The following ADORA2A variants were observed in gnomAD, a reference collection of about 807,000 sequenced individuals.
ADORA2A encodes adenosine A2a receptor, also known as adenosine receptor A2a.
In ADORA2A, 11 loss-of-function variants were observed where a neutral mutation model predicts 18.4. The observed-to-expected ratio is 0.60, with a 90% CI of 0.38 to 0.99. ADORA2A has a LOEUF of 0.99. ADORA2A is among the 50% of genes least tolerant of loss of function. The pLI is 0.01. For missense variants in ADORA2A, 449 were observed against 556.1 expected (o/e 0.81, Z 1.94); for synonymous variants, 218 against 237.3 (o/e 0.92, Z 0.75).
At chr22:24,426,998 C>T (rs540865737), upstream of ADORA2A, among the ~76,000 whole-genome samples, 5 of 152,310 alleles carry the variant, frequency 3.3e-5, no homozygotes, top group East Asian at 7.7e-4. Context: ...GCCCACTCCT[C>T]GGATGTGCCG....
chr22:24,435,462 C>T (rs1273277720), intron 2 of ADORA2A, among the ~76,000 whole-genome samples: 1 of 152,216 alleles, frequency 6.6e-6, no homozygotes, highest in Non-Finnish European at 1.5e-5. Context: ...GGCTGCCGTT[C>T]TCAATTTAAA....
At chr22:24,428,207 C>A (rs777787080) in intron 1 of ADORA2A, among the ~76,000 whole-genome samples, 1 of 152,176 alleles carries the variant, frequency 6.6e-6, no homozygotes, top group African/African-American at 2.4e-5. Context: ...CATGCCCAGG[C>A]CCCCCTGGGC....
chr22:24,429,641 C>T (rs1035751976), intron 1 of ADORA2A: 5 of 152,238 alleles, frequency 3.3e-5, no homozygotes, highest in African/African-American at 7.2e-5. Context: ...TGCGCACGGC[C>T]GCAGCCCTAC....
At chr22:24,427,488 G>A (rs1267340194), upstream of ADORA2A, 1 of 152,362 alleles carries the variant, frequency 6.6e-6, no homozygotes, top group African/African-American at 2.4e-5. Context: ...CCCCTTCAGC[G>A]GCATAGTACC....
chr22:24,440,613 TA>T lies in ADORA2A; in HGVS notation c.365del (p.Lys122ArgfsTer16). On this transcript the variant is annotated frameshift_variant, in exon 3 of 3. Transcript: ENST00000337539. LOFTEE classifies it high-confidence loss of function. ...YNGLVTGTRA[K>X]GIIAICWVLS... ...ATGGCTTGGTGACCGGCACGAGGGCTAAGGGCATCATTGCCATCTGCTGGGT... is the reference window on the plus strand; with the variant it reads ...ATGGCTTGGTGACCGGCACGAGGGCTAGGGCATCATTGCCATCTGCTGGGT... The T allele has an allele frequency of 6.3e-7, 1 of 1,583,788 alleles. No homozygotes were observed. The highest frequency in any genetic ancestry group is 8.6e-7 in the Non-Finnish European group (1 of 1,162,182).
upstream of ADORA2A, chr22:24,424,445 C>G (rs1325843172): frequency 6.6e-6 from 1 of 152,196 alleles, no homozygotes; most frequent in South Asian, 2.1e-4. This position sits in a 1 kb window ranked among gnomAD's most constrained non-coding sequence, Gnocchi z 4.9. Context: ...GCTCCTCCAG[C>G]AGGGATGGAC....
chr22:24,425,339 C>CG (rs2042906112), upstream of ADORA2A, among the ~76,000 whole-genome samples: 1 of 35,390 alleles, frequency 2.8e-5, no homozygotes, highest in Non-Finnish European at 7.1e-5. Context: ...TGGGCAGCAC[C>CG]CCCCCCCCCC....
chr22:24,440,936 T>A lies in ADORA2A; in HGVS notation c.686T>A (p.Val229Asp). 1 of 1,613,936 alleles carries A rather than the reference T, an allele frequency of 6.2e-7. No homozygotes were observed. Among genetic ancestry groups the A allele is most frequent in the Non-Finnish European group, 8.5e-7 (1 of 1,179,968 alleles). Residue 229 changes from valine (V) to aspartate (D), a missense_variant, in exon 3 of 3, where the codon GTC becomes GAC. Val to Asp is a radical substitution (Grantham distance 152). Coordinates refer to ENST00000337539, the MANE Select transcript of ADORA2A (RefSeq NM_000675.6). ...GCACGGTCCACACTGCAGAAGGAGG[T>A]CCATGCTGCCAAGTCACTGGCCATC... Reference protein sequence around the residue: ...ERARSTLQKEVHAAKSLAIIV... With the variant: ...ERARSTLQKEDHAAKSLAIIV...
intron 1 of ADORA2A, chr22:24,431,567 A>AAG (rs150456878): frequency 1.3e-5 from 6 of 446,180 alleles, no homozygotes; most frequent in Non-Finnish European, 2.7e-5. Context: ...CATGTCCTGG[A>AAG]AGAGAGAGAG....
Position 24,433,310 on chromosome 22 carries a change from C to A in ADORA2A, c.-95C>A, listed in dbSNP as rs201968588. On this transcript the variant is annotated 5_prime_UTR_variant, in exon 2 of 3. Coordinates refer to ENST00000337539, the MANE Select transcript of ADORA2A (RefSeq NM_000675.6). ...AGGGGTCTGGGCCCCTCCGCCTGGG[C>A]CGGGCTGGGAGCCAGGCGGGCGGCT... The A allele has an allele frequency of 1.4e-5, 18 of 1,273,362 alleles. No homozygotes were observed. Among genetic ancestry groups the A allele is most frequent in the Non-Finnish European group, 1.9e-5 (18 of 924,562 alleles). 78.9% of individuals were successfully genotyped at this position (1,273,362 alleles called of 1,614,324 possible).
intron 1 of ADORA2A, among the ~76,000 whole-genome samples, chr22:24,428,247 A>G (rs1348326427): frequency 6.6e-6 from 1 of 152,202 alleles, no homozygotes; most frequent in Non-Finnish European, 1.5e-5. Context: ...AGTGGGGCCC[A>G]CAACCTGCCG....
At chr22:24,432,015 CCA>C (rs1177116312) in intron 1 of ADORA2A, 1 of 163,076 alleles carries the variant, frequency 6.1e-6, no homozygotes, top group African/African-American at 2.4e-5. Context: ...GCATTTTTGC[CCA>C]GAGTCCCTCA....
At chr22:24,429,716 C>G (rs2042981291) in intron 1 of ADORA2A, 1 of 152,446 alleles carries the variant, frequency 6.6e-6, no homozygotes, top group Non-Finnish European at 1.5e-5. Flanking sequence ...CCTCAGTTTC[C>G]TCATCTGTAA....
intron 2 of ADORA2A, among the ~76,000 whole-genome samples, chr22:24,439,072 CTTTTTTTTTTTTTTT>C (rs3032740): frequency 5.5e-5 from 4 of 73,094 alleles, no homozygotes; most frequent in Non-Finnish European, 8.0e-5. Flanking sequence ...CCCCTTGCAC[CTTTTTTTTTTTTTTT>C]TTTTTTTTTT....
Position 24,440,905 on chromosome 22 carries a change from G to C in ADORA2A, c.655G>C (p.Glu219Gln). Reference sequence around the variant, plus strand: ...GATGGAGAGCCAGCCTCTGCCGGGGGAGCGGGCACGGTCCACACTGCAGAA... The same window carrying C: ...GATGGAGAGCCAGCCTCTGCCGGGGCAGCGGGCACGGTCCACACTGCAGAA... ...KQMESQPLPGERARSTLQKEV... is the reference protein window; with the variant it reads ...KQMESQPLPGQRARSTLQKEV... Residue 219 changes from glutamate to glutamine, a missense_variant, in exon 3 of 3, where the codon GAG becomes CAG. Physicochemically the swap from Glu to Gln is conservative, Grantham distance 29. Transcript: ENST00000337539. 1 of 1,614,202 alleles carries C rather than the reference G, an allele frequency of 6.2e-7. No homozygotes were observed. The highest frequency in any genetic ancestry group is 1.1e-5 in the South Asian group (1 of 91,086).
intron 1 of ADORA2A, chr22:24,431,534 G>A (rs1453391926): frequency 8.8e-6 from 4 of 456,618 alleles, no homozygotes; most frequent in African/African-American, 2.0e-5. Flanking sequence ...TCCTCTCCAG[G>A]TTGCCAGTCC....
At chr22:24,428,872 C>T (rs2042960574) in intron 1 of ADORA2A, among the ~76,000 whole-genome samples, 1 of 152,204 alleles carries the variant, frequency 6.6e-6, no homozygotes, top group Non-Finnish European at 1.5e-5. Flanking sequence ...GGCACAGCAA[C>T]GGGGGCACAC....
chr22:24,433,571 G>T lies in ADORA2A; in HGVS notation c.167G>T (p.Gly56Val). 1.2e-6 allele frequency: 2 copies of T among 1,614,104 alleles called. No individual in the cohort carries two copies. Among genetic ancestry groups the T allele is most frequent in the South Asian group, 2.2e-5 (2 of 91,088 alleles). The change falls in exon 2 of 3, where the codon GGT (glycine) becomes GTT (valine). Residue 56 changes from glycine (G) to valine (V), a missense_variant. Gly to Val is a moderately radical substitution (Grantham distance 109). Transcript: ENST00000337539. ...VSLAAADIAV[G>V]VLAIPFAITI... ...CTGGCGGCGGCCGACATCGCAGTGG[G>T]TGTGCTCGCCATCCCCTTTGCCATC...
At chr22:24,429,835 GC>G (rs1307495221) in intron 1 of ADORA2A, 1 of 152,348 alleles carries the variant, frequency 6.6e-6, no homozygotes, top group Non-Finnish European at 1.5e-5. Context: ...TGGCCTCTAG[GC>G]AGGTGCCCCC....
Sources: gnomAD v4.1 joint callset for allele counts (sites outside exome capture counted in the v4.1 genomes callset) on GRCh38, gnomAD v4.1.1 for gene constraint, Gnocchi (gnomAD v3.1) non-coding constraint, MANE v1.5 for transcripts, NCBI Gene and HGNC (gene_info 2026-07-23, HGNC 2026-07-21) for gene names.